CACNA2D2: variants seen among roughly 807,000 people sequenced by gnomAD.
CACNA2D2 encodes the protein voltage-dependent calcium channel subunit alpha-2/delta-2.
Under a neutral mutation model 166.4 loss-of-function variants are expected in CACNA2D2, and 48 were observed. That is an observed-to-expected ratio of 0.29 (90% CI 0.23 to 0.37). CACNA2D2 has a LOEUF of 0.37. Ranked by LOEUF, CACNA2D2 falls within the 10% of genes least tolerant of loss-of-function variation. The probability of loss-of-function intolerance (pLI) is 1.00; values close to 1 mark genes in which losing one functional copy is unlikely to be tolerated. For missense variants in CACNA2D2, 1,122 were observed against 1,433.0 expected (o/e 0.78, Z 3.50); for synonymous variants, 561 against 573.7 (o/e 0.98, Z 0.32).
intron 1 of CACNA2D2, among the ~76,000 whole-genome samples, chr3:50,496,343 G>A (rs996226200): frequency 3.3e-5 from 5 of 152,222 alleles, no homozygotes; most frequent in South Asian, 2.1e-4. Context: ...ACAAACACAC[G>A]CACACAAGTG....
intron 2 of CACNA2D2, among the ~76,000 whole-genome samples, chr3:50,469,316 C>T (rs534369186): frequency 3.7e-4 from 56 of 152,248 alleles, no homozygotes; most frequent in African/African-American, 1.3e-3. Flanking sequence ...ACGTACCCTT[C>T]GCTGGTCCAC....
Position 50,366,623 on chromosome 3 carries a change from G to A in CACNA2D2, c.2592C>T (p.Cys864=), listed in dbSNP as rs1179657650. The change falls in exon 30 of 38, where the codon TGC becomes TGT. Residue 864 remains cysteine, a splice_region_variant and synonymous_variant. Transcript: ENST00000424201. The surrounding 1 kb of genome is among the most constrained non-coding windows in gnomAD (Gnocchi z 5.9). The part of the protein sequence containing the change: ...NRTHQDQPQK[C]GPNSHCEMDC... The stretch of plus-strand genomic sequence containing the variant: ...CCATCTCACAGTGGCTGTTGGGGCC[G>A]CACTGCTGGGCAGAGAGTGAGGACC... 2.5e-6 allele frequency: 4 copies of A among 1,613,716 alleles called. No individual in the cohort carries two copies. The highest frequency in any genetic ancestry group is 1.6e-4 in the Middle Eastern group (1 of 6,084).
At position 50,366,657 on chromosome 3, in the gene CACNA2D2, C is replaced by A. The variant is rs587726925; in HGVS notation, c.2590-32G>T. 17 of 1,613,296 alleles carry A rather than the reference C, an allele frequency of 1.1e-5. 1 individual carries two copies. Among genetic ancestry groups the A allele is most frequent in the Admixed American group, 1.0e-4 (6 of 60,016 alleles). On this transcript the variant is annotated intron_variant, in intron 29 of 37. Transcript: ENST00000424201. This position sits in a 1 kb window ranked among gnomAD's most constrained non-coding sequence, Gnocchi z 5.9. ...GGCAGAGAGTGAGGACCGTAAGCCA[C>A]CCACCAGTTTTCCTCCCTCCCATCA...
intron 3 of CACNA2D2, among the ~76,000 whole-genome samples, chr3:50,398,554 TCTGGC>T (rs59084542): frequency 0.066 from 10,021 of 152,100 alleles, 1,087 homozygotes; most frequent in African/African-American, 0.23. Flanking sequence ...TGGGCTTGAG[TCTGGC>T]CTGGCTCTGC....
intron 3 of CACNA2D2, among the ~76,000 whole-genome samples, chr3:50,430,657 G>A (rs1214243264): frequency 6.6e-6 from 1 of 152,178 alleles, no homozygotes; most frequent in Non-Finnish European, 1.5e-5. Context: ...TAATGATGAG[G>A]GGGTGGTCTT....
At chr3:50,409,887 C>G (rs532349545) in intron 3 of CACNA2D2, among the ~76,000 whole-genome samples, 1 of 152,308 alleles carries the variant, frequency 6.6e-6, no homozygotes, top group South Asian at 2.1e-4. Context: ...AGGGTCCAAG[C>G]TCTGCCTCAG....
chr3:50,461,885 G>A (rs1385840688), intron 2 of CACNA2D2, among the ~76,000 whole-genome samples: 1 of 152,226 alleles, frequency 6.6e-6, no homozygotes, highest in African/African-American at 2.4e-5. Context: ...CCCCAAGAGG[G>A]GGAAAGGAAA....
intron 1 of CACNA2D2, among the ~76,000 whole-genome samples, chr3:50,487,668 C>T (rs907735344): frequency 1.3e-5 from 2 of 152,164 alleles, no homozygotes; most frequent in Non-Finnish European, 2.9e-5. Context: ...GCAGCCCCAG[C>T]TACCCCACCT....
intron 6 of CACNA2D2, among the ~76,000 whole-genome samples, chr3:50,382,502 C>A (rs1275764440): frequency 1.3e-5 from 2 of 152,190 alleles, no homozygotes; most frequent in African/African-American, 4.8e-5. Context: ...CTGATCCCTG[C>A]CCCCTGCTCC....
chr3:50,403,232 C>T lies in CACNA2D2; in HGVS notation c.406-9064G>A, dbSNP rs563349918. ...TGGATGGAGAGCAGGGCATAGACAG[C>T]GAACGGGATGGGGACTCACTTTGGA... On this transcript the variant is annotated intron_variant, in intron 3 of 37. Coordinates refer to ENST00000424201, the MANE Select transcript of CACNA2D2 (RefSeq NM_006030.4). 1.9e-4 allele frequency among the ~76,000 whole-genome samples: 29 copies of T among 152,212 alleles called. No individual in the cohort carries two copies. In the East Asian group the frequency reaches 3.1e-3, roughly 16 times the overall value.
chr3:50,418,885 G>T (rs761543062), intron 3 of CACNA2D2, among the ~76,000 whole-genome samples: 16 of 152,244 alleles, frequency 1.1e-4, no homozygotes, highest in Non-Finnish European at 2.4e-4. Context: ...ATGGAGGGGA[G>T]CCTGGCCTCT....
rs1704580524 is a variant in CACNA2D2 at position 50,370,255 on chromosome 3, C to T, written c.2045+65G>A. On this transcript the variant is annotated intron_variant, in intron 23 of 37. Transcript: ENST00000424201. ...ACACACAGAGCTCCAGGCAGCAGTGCAGGAGGTGGGGCCGGGGCGGTCAGG... is the reference window on the plus strand; with the variant it reads ...ACACACAGAGCTCCAGGCAGCAGTGTAGGAGGTGGGGCCGGGGCGGTCAGG... 8 of 1,106,588 alleles carry T rather than the reference C, an allele frequency of 7.2e-6. No individual in the cohort carries two copies. In the South Asian group the frequency reaches 1.1e-4, roughly 15 times the overall value. 68.5% of individuals were successfully genotyped at this position (1,106,588 alleles called of 1,614,324 possible).
intron 2 of CACNA2D2, among the ~76,000 whole-genome samples, chr3:50,454,580 C>T (rs1001554167): frequency 1.3e-5 from 2 of 152,354 alleles, no homozygotes; most frequent in South Asian, 2.1e-4. Flanking sequence ...ATTTCCACTT[C>T]GAGGCCTTGC....
In CACNA2D2 at chr3:50,364,893, C is replaced by G. The variant is rs587723974; in HGVS notation, c.3286G>C (p.Ala1096Pro). The G allele has an allele frequency of 2.8e-5, 45 of 1,613,252 alleles. No individual in the cohort carries two copies. Among genetic ancestry groups the G allele is most frequent in the Non-Finnish European group, 3.8e-5 (45 of 1,179,922 alleles). ...CCACCGCCCCCTCTCCTCACTGTCG[C>G]GTTGTAGTCGAAGCAGATGTGCGGG... ...RGPHICFDYN[A>P]TEDTSDCGRG... The change falls in exon 37 of 38, where the codon GCG becomes CCG. Residue 1096 changes from alanine to proline, a missense_variant. Around this residue, in one of 2 missense-constraint regions of CACNA2D2, gnomAD observed 282 missense variants for 266.2 expected, o/e 1.06. Transcript: ENST00000424201.
chr3:50,455,608 T>G (rs1318712894), intron 2 of CACNA2D2, among the ~76,000 whole-genome samples: 1 of 152,178 alleles, frequency 6.6e-6, no homozygotes, highest in Non-Finnish European at 1.5e-5. Flanking sequence ...TACTGTTCTC[T>G]GCAGGCCAGG....
chr3:50,435,077 C>G (rs770225767), intron 2 of CACNA2D2, among the ~76,000 whole-genome samples: 4 of 152,066 alleles, frequency 2.6e-5, no homozygotes, highest in African/African-American at 4.8e-5. Context: ...ATCTGCCCAG[C>G]CTTCCTCCAA....
chr3:50,365,885 G>A lies in CACNA2D2; in HGVS notation c.2863-23C>T, dbSNP rs995012195. 5.6e-6 allele frequency: 9 copies of A among 1,612,706 alleles called. No homozygotes were observed. Among genetic ancestry groups the A allele is most frequent in the Non-Finnish European group, 7.6e-6 (9 of 1,179,926 alleles). ...GGGCTGCAGTGGAGAGAGGGGCGTG[G>A]ACTGCCACTGCTGCCCCTCGCCCTA... On this transcript the variant is annotated intron_variant, in intron 32 of 37. Transcript: ENST00000424201. This position sits in a 1 kb window ranked among gnomAD's most constrained non-coding sequence, Gnocchi z 4.5.
At chr3:50,500,999 G>C (rs1168666288) in intron 1 of CACNA2D2, among the ~76,000 whole-genome samples, 2 of 152,092 alleles carry the variant, frequency 1.3e-5, no homozygotes, top group African/African-American at 2.4e-5. Flanking sequence ...TGCTCATCAG[G>C]GGCCTTCCCC....
At chr3:50,469,322 T>C (rs1439993495) in intron 2 of CACNA2D2, among the ~76,000 whole-genome samples, 1 of 152,106 alleles carries the variant, frequency 6.6e-6, no homozygotes, top group African/African-American at 2.4e-5. Flanking sequence ...CCTTCGCTGG[T>C]CCACAGGCCC....
Sources: gnomAD v4.1 joint callset for allele counts (sites outside exome capture counted in the v4.1 genomes callset) on GRCh38, gnomAD v4.1.1 for gene constraint, gnomAD v4.1.1 regional missense constraint, Gnocchi (gnomAD v3.1) non-coding constraint, MANE v1.5 for transcripts, NCBI Gene and HGNC (gene_info 2026-07-23, HGNC 2026-07-21) for gene names.